The following MARK3 variants were observed in gnomAD, a reference collection of about 807,000 sequenced individuals.
MARK3 encodes the protein MAP/microtubule affinity-regulating kinase 3.
Under a neutral mutation model 90.1 loss-of-function variants are expected in MARK3, and 46 were observed. The ratio of observed to expected loss-of-function variants is 0.51; its 90% CI spans 0.40 to 0.65. The LOEUF (loss-of-function observed/expected upper bound fraction) is 0.65, where lower values mean the gene tolerates loss of function less well. Among genes scored for constraint, MARK3 ranks in the 30% least tolerant of loss-of-function variants. The pLI is 0.00. For missense variants in MARK3, 818 were observed against 947.2 expected (o/e 0.86, Z 1.79); for synonymous variants, 321 against 332.6 (o/e 0.97, Z 0.38).
At chr14:103,436,748 G>A (rs1006841514) in intron 3 of MARK3, among the ~76,000 whole-genome samples, 1 of 152,142 alleles carries the variant, frequency 6.6e-6, no homozygotes, top group Non-Finnish European at 1.5e-5. Context: ...AAAGCCTTGG[G>A]ATTATAGGCA....
At chr14:103,495,848 T>C (rs2075309354) in intron 15 of MARK3, among the ~76,000 whole-genome samples, 1 of 152,252 alleles carries the variant, frequency 6.6e-6, no homozygotes, top group African/African-American at 2.4e-5. Flanking sequence ...TTGAAAGTTC[T>C]TATCCTCCTT....
At position 103,455,520 on chromosome 14, in the gene MARK3, A is replaced by C. The variant is rs1205631678; in HGVS notation, c.413-1622A>C. On this transcript the variant is annotated intron_variant, in intron 5 of 17. Transcript: ENST00000429436. The stretch of plus-strand genomic sequence containing the variant: ...GACGGGCAGATCACTTGAGGCCAGG[A>C]GTTCGAGACCAGCCTGGCCAACGTG... Among the ~76,000 whole-genome samples, 10 of 152,302 alleles carry C rather than the reference A, an allele frequency of 6.6e-5. No homozygotes were observed. In the South Asian group the frequency reaches 1.9e-3, roughly 28 times the overall value.
intron 6 of MARK3, 119 bp from the exon 7 acceptor site, chr14:103,462,286 C>A: frequency 1.6e-6 from 1 of 633,368 alleles, no homozygotes; most frequent in Non-Finnish European, 2.6e-6. Flanking sequence ...TTTTAGAAAT[C>A]CACACGGACA....
intron 17 of MARK3, among the ~76,000 whole-genome samples, chr14:103,502,100 TGG>T (rs2142179248): frequency 6.6e-6 from 1 of 152,340 alleles, no homozygotes; most frequent in Admixed American, 6.5e-5. Context: ...AAGGAGTGGC[TGG>T]TAAACCGCGG....
intron 6 of MARK3, among the ~76,000 whole-genome samples, chr14:103,460,700 G>A (rs1379090822): frequency 2.0e-5 from 3 of 152,184 alleles, no homozygotes; most frequent in African/African-American, 4.8e-5. Context: ...AAAATAACCT[G>A]TAAGAGAAAT....
chr14:103,426,794 C>G (rs1030129408), intron 2 of MARK3, among the ~76,000 whole-genome samples: 1 of 152,044 alleles, frequency 6.6e-6, no homozygotes, highest in Non-Finnish European at 1.5e-5. Flanking sequence ...CTAGGTGACC[C>G]TGCTGTTGCC....
intron 14 of MARK3, among the ~76,000 whole-genome samples, chr14:103,487,186 G>A (rs1436744184): frequency 6.6e-6 from 1 of 151,038 alleles, no homozygotes. Context: ...CAAAGTGCTG[G>A]GATTACAGGC....
intron 2 of MARK3, among the ~76,000 whole-genome samples, chr14:103,414,250 G>T (rs1359069396): frequency 6.7e-6 from 1 of 148,766 alleles, no homozygotes; most frequent in Non-Finnish European, 1.5e-5. Flanking sequence ...TTGTTGCCCA[G>T]GCTGGAGTGC....
chr14:103,475,387 G>A (rs1184173818), intron 13 of MARK3, among the ~76,000 whole-genome samples, 177 bp downstream of exon 13: 2 of 152,144 alleles, frequency 1.3e-5, no homozygotes, highest in African/African-American at 2.4e-5. Flanking sequence ...ATTTATTGTT[G>A]ACACTCTCTT....
At chr14:103,426,911 T>A in intron 2 of MARK3, among the ~76,000 whole-genome samples, 1 of 150,656 alleles carries the variant, frequency 6.6e-6, no homozygotes, top group East Asian at 1.9e-4. Context: ...AAAAAAAAAT[T>A]TTTAAAGTTT....
chr14:103,472,936 G>T (rs530255428), intron 12 of MARK3, among the ~76,000 whole-genome samples: 2 of 151,896 alleles, frequency 1.3e-5, no homozygotes, highest in East Asian at 3.9e-4. Context: ...AACCTGGGAG[G>T]TGGAGGTTGC....
chr14:103,454,532 G>T (rs903609252), intron 5 of MARK3, among the ~76,000 whole-genome samples: 1 of 152,134 alleles, frequency 6.6e-6, no homozygotes, highest in Non-Finnish European at 1.5e-5. Flanking sequence ...TTATAGGTGT[G>T]AGCCACAGCA....
intron 6 of MARK3, chr14:103,458,841 T>G: frequency 1.6e-6 from 1 of 616,676 alleles, no homozygotes; most frequent in Middle Eastern, 2.7e-4. Context: ...TTGCTTATAT[T>G]TTGCTGTTGC....
At chr14:103,408,954 G>A (rs370558990) in intron 2 of MARK3, among the ~76,000 whole-genome samples, 1 of 152,076 alleles carries the variant, frequency 6.6e-6, no homozygotes, top group Non-Finnish European at 1.5e-5. Context: ...GATAAGGAAC[G>A]GTGAGACCTC....
chr14:103,449,412 C>CAAAAAA (rs34657716), intron 4 of MARK3, among the ~76,000 whole-genome samples: 1 of 83,988 alleles, frequency 1.2e-5, no homozygotes, highest in Non-Finnish European at 2.3e-5. Flanking sequence ...CCCGTCTCTC[C>CAAAAAA]AAAAAAAAAA....
At chr14:103,461,342 C>T (rs1020858223) in intron 6 of MARK3, among the ~76,000 whole-genome samples, 1 of 152,104 alleles carries the variant, frequency 6.6e-6, no homozygotes, top group African/African-American at 2.4e-5. Context: ...TCTACAATGA[C>T]CATATAAAGC....
chr14:103,487,769 C>T (rs950195763), intron 14 of MARK3, among the ~76,000 whole-genome samples: 1 of 152,118 alleles, frequency 6.6e-6, no homozygotes, highest in Non-Finnish European at 1.5e-5. Flanking sequence ...ATTTGTGTAG[C>T]CAGGCGCGGT....
At chr14:103,408,666 C>G (rs1338177924) in intron 2 of MARK3, among the ~76,000 whole-genome samples, 1 of 152,180 alleles carries the variant, frequency 6.6e-6, no homozygotes, top group Non-Finnish European at 1.5e-5. Context: ...AGCATGCATC[C>G]TCTGTTTGCA....
chr14:103,449,412 CAAAAAAA>C (rs34657716), intron 4 of MARK3, among the ~76,000 whole-genome samples: 51 of 83,992 alleles, frequency 6.1e-4, no homozygotes, highest in African/African-American at 1.3e-3. Context: ...CCCGTCTCTC[CAAAAAAA>C]AAAAAAAAAA....
Sources: gnomAD v4.1 joint callset for allele counts (sites outside exome capture counted in the v4.1 genomes callset) on GRCh38, gnomAD v4.1.1 for gene constraint, MANE v1.5 for transcripts, NCBI Gene and HGNC (gene_info 2026-07-23, HGNC 2026-07-21) for gene names.